CABP2: variants seen among roughly 807,000 people sequenced by gnomAD.
CABP2 encodes calcium binding protein 2.
CABP2 carries 25 observed loss-of-function variants against 28.6 expected under a neutral mutation model. The observed-to-expected ratio is 0.87, with a 90% CI of 0.64 to 1.22. The LOEUF (loss-of-function observed/expected upper bound fraction) is 1.22. CABP2 is among the 50% of genes most tolerant of loss of function. The pLI, the probability that CABP2 is intolerant of heterozygous loss-of-function variation, is 0.00. For missense variants in CABP2, 310 were observed against 312.2 expected, an observed-to-expected ratio of 0.99 and a Z score of 0.05; for synonymous variants, 138 against 126.0, an observed-to-expected ratio of 1.09 and a Z score of -0.64.
chr11:67,523,276 C>A lies in CABP2; in HGVS notation c.42+9G>T. On this transcript the variant is annotated intron_variant, in intron 1 of 6. Transcript: ENST00000294288. ...TCCTGGCCTGGGTTTCTCCCCTGAC[C>A]CCTCCTACCTTAGGGCCCCGGCGCC... The A allele has an allele frequency of 6.4e-7, 1 of 1,551,790 alleles. No individual in the cohort carries two copies. The highest frequency in any genetic ancestry group is 8.7e-7 in the Non-Finnish European group (1 of 1,145,536).
At chr11:67,520,227 T>G in intron 4 of CABP2, 67 bp from the exon 5 acceptor site, 1 of 946,854 alleles carries the variant, frequency 1.1e-6, no homozygotes, top group Non-Finnish European at 1.7e-6. Flanking sequence ...CCCTCCCTCC[T>G]CTGCCCTCTG....
chr11:67,519,165 C>G lies in CABP2; in HGVS notation c.638-1G>C. On this transcript the variant is annotated splice_acceptor_variant, in intron 6 of 6. Transcript: ENST00000294288. LOFTEE classifies it high-confidence loss of function. ...CACCGAGACATCATTCGCACAAACT[C>G]TGCCAGGACGAAGCCAAGGTTTTGG... The G allele has an allele frequency of 6.2e-7, 1 of 1,614,110 alleles. No homozygotes were observed. The highest frequency in any genetic ancestry group is 8.5e-7 in the Non-Finnish European group (1 of 1,180,028).
rs565725527 is a variant in CABP2 at position 67,519,561 on chromosome 11, T to G, written c.637+232A>C. Among the ~76,000 whole-genome samples, 5 of 152,346 alleles carry G rather than the reference T, an allele frequency of 3.3e-5. No individual in the cohort carries two copies. The South Asian group carries it at 1.0e-3, about 32-fold the overall frequency. On this transcript the variant is annotated intron_variant, in intron 6 of 6. Coordinates refer to ENST00000294288, the MANE Select transcript of CABP2 (RefSeq NM_016366.3). ...AGGCTGCCCAGATTCAAATCTTGAC[T>G]CCATCTACTTGCTTTTTTGCTAAGT... is the stretch of plus-strand genomic sequence containing the variant.
intron 1 of CABP2, 78 bp downstream of exon 1, chr11:67,523,207 A>C: frequency 6.6e-6 from 7 of 1,055,164 alleles, no homozygotes; most frequent in Non-Finnish European, 1.0e-5. Context: ...CGGCCCTCGG[A>C]GGGCTCTGCC....
rs573734434 is a variant in CABP2 at position 67,521,003 on chromosome 11, G to C, written c.379+22C>G. 90 of 1,606,980 alleles carry C rather than the reference G, an allele frequency of 5.6e-5. 2 individuals carry two copies. In the South Asian group the frequency reaches 9.8e-4, roughly 17 times the overall value. ...GGGGGCATCTGGAGGACTGGGGATG[G>C]GGATGGGTCCGAGGCACATACTGAT... On this transcript the variant is annotated intron_variant, in intron 4 of 6. Coordinates refer to ENST00000294288, the MANE Select transcript of CABP2 (RefSeq NM_016366.3).
chr11:67,522,772 A>G, intron 1 of CABP2, 56 bp from the exon 2 acceptor site: 2 of 1,396,770 alleles, frequency 1.4e-6, no homozygotes, highest in Non-Finnish European at 1.9e-6. Context: ...TGGGCCTGAT[A>G]GCCCTCCCCA....
chr11:67,519,904 C>T lies in CABP2; in HGVS notation c.526G>A (p.Glu176Lys), dbSNP rs1377696729. ...TNGDGRISVGELRAALKALLG... is the reference protein window; with the variant it reads ...TNGDGRISVGKLRAALKALLG... The stretch of plus-strand genomic sequence containing the variant: ...AGGGCCTTGAGGGCCGCCCGGAGCT[C>T]GCCCACGCTGATGCGGCCGTCCCCA... Residue 176 changes from glutamate (E) to lysine (K), a missense_variant, in exon 6 of 7, where the codon GAG becomes AAG. Physicochemically the swap from Glu to Lys is moderately conservative, Grantham distance 56. Transcript: ENST00000294288. The T allele has an allele frequency of 4.3e-6, 7 of 1,611,840 alleles. No individual in the cohort carries two copies. The highest frequency in any genetic ancestry group is 2.2e-5 in the South Asian group (2 of 91,042).
At chr11:67,520,928 G>A (rs771436290) in intron 4 of CABP2, 97 bp downstream of exon 4, 7 of 1,318,272 alleles carry the variant, frequency 5.3e-6, no homozygotes, top group Non-Finnish European at 7.5e-6. Context: ...TCTGGGGACA[G>A]CCTGTGCAGT....
At chr11:67,521,253 T>G in intron 3 of CABP2, 94 bp from the exon 4 acceptor site, 1 of 1,306,072 alleles carries the variant, frequency 7.7e-7, no homozygotes. Context: ...TCATCCCTCC[T>G]TCTGAACATC....
At chr11:67,522,069 C>A in intron 2 of CABP2, 87 bp from the exon 3 acceptor site, 1 of 1,244,742 alleles carries the variant, frequency 8.0e-7, no homozygotes, top group South Asian at 1.3e-5. Flanking sequence ...CCCACCCAGC[C>A]CCACAATCCA....
At chr11:67,523,213 C>G in intron 1 of CABP2, 72 bp downstream of exon 1, 1 of 1,265,760 alleles carries the variant, frequency 7.9e-7, no homozygotes, top group Non-Finnish European at 1.1e-6. Flanking sequence ...TCGGAGGGCT[C>G]TGCCCATCCC....
rs1239803255 is a variant in CABP2 at position 67,521,011 on chromosome 11, T to A, written c.379+14A>T. Reference sequence around the variant, plus strand: ...CTGGAGGACTGGGGATGGGGATGGGTCCGAGGCACATACTGATTTGTTGTG... The same window carrying A: ...CTGGAGGACTGGGGATGGGGATGGGACCGAGGCACATACTGATTTGTTGTG... On this transcript the variant is annotated intron_variant, in intron 4 of 6. Transcript: ENST00000294288. 5 of 1,611,366 alleles carry A rather than the reference T, an allele frequency of 3.1e-6. No individual in the cohort carries two copies. Among genetic ancestry groups the A allele is most frequent in the Non-Finnish European group, 2.5e-6 (3 of 1,178,316 alleles).
chr11:67,521,857 G>GCCCCCC, intron 3 of CABP2, 95 bp downstream of exon 3: 3 of 852,764 alleles, frequency 3.5e-6, no homozygotes, highest in Non-Finnish European at 3.8e-6. Context: ...AAACACTGAG[G>GCCCCCC]CCCCCACCCG....
chr11:67,519,641 C>T, intron 6 of CABP2, 152 bp downstream of exon 6: 1 of 763,494 alleles, frequency 1.3e-6, no homozygotes, highest in Non-Finnish European at 2.1e-6. Context: ...GATAACAATT[C>T]CTTCCTCTCG....
In CABP2 at chr11:67,522,625, A is replaced by G. The variant is rs1469415284; in HGVS notation, c.134T>C (p.Val45Ala). Residue 45 changes from valine (V) to alanine (A), a missense_variant, in exon 2 of 7, where the codon GTC becomes GCC. Transcript: ENST00000294288. ...GCTGTTGAGCACCGAGTAGCCCTGG[A>G]CGCCTGGCGCGGGGTCCCCCTGCTC... ...PKEQGDPAPG[V>A]QGYSVLNSLV... The G allele has an allele frequency of 1.3e-6, 2 of 1,548,914 alleles. No individual in the cohort carries two copies. The highest frequency in any genetic ancestry group is 2.0e-5 in the Admixed American group (1 of 50,918).
Position 67,519,910 on chromosome 11 carries a change from C to G in CABP2, c.520G>C (p.Val174Leu). ...TTGAGGGCCGCCCGGAGCTCGCCCA[C>G]GCTGATGCGGCCGTCCCCATTGGTG... ...FDTNGDGRISVGELRAALKAL... is the reference protein window; with the variant it reads ...FDTNGDGRISLGELRAALKAL... The change falls in exon 6 of 7, where the codon GTG (valine) becomes CTG (leucine). Residue 174 changes from valine to leucine, a missense_variant. Coordinates refer to ENST00000294288, the MANE Select transcript of CABP2 (RefSeq NM_016366.3). 1 of 1,611,106 alleles carries G rather than the reference C, an allele frequency of 6.2e-7. No homozygotes were observed. The highest frequency in any genetic ancestry group is 1.3e-5 in the African/African-American group (1 of 75,054).
At position 67,521,965 on chromosome 11, in the gene CABP2, G is replaced by A. The variant is rs765647878; in HGVS notation, c.231C>T (p.Pro77=). The A allele has an allele frequency of 1.1e-5, 18 of 1,593,884 alleles. No homozygotes were observed. Among genetic ancestry groups the A allele is most frequent in the African/African-American group, 2.8e-5 (2 of 71,932 alleles). Residue 77 remains proline, a synonymous_variant, in exon 3 of 7, where the codon CCC becomes CCT. Coordinates refer to ENST00000294288, the MANE Select transcript of CABP2 (RefSeq NM_016366.3). ...AATQLDRELR[P]EEIEELQVAF... Reference sequence around the variant, plus strand: ...CCAACCCTTTACCTTCAATCTCCTCGGGCCGCAGCTCCCGGTCCTGAAGGG... The same window carrying A: ...CCAACCCTTTACCTTCAATCTCCTCAGGCCGCAGCTCCCGGTCCTGAAGGG...
rs760144485 is a variant in CABP2 at position 67,519,896 on chromosome 11, C to T, written c.534G>A (p.Arg178=). The change falls in exon 6 of 7, where the codon CGG becomes CGA. Residue 178 remains arginine, a synonymous_variant. Transcript: ENST00000294288. ...GDGRISVGEL[R]AALKALLGER... ...CCCCCAGCAGGGCCTTGAGGGCCGCCCGGAGCTCGCCCACGCTGATGCGGC... is the reference window on the plus strand; with the variant it reads ...CCCCCAGCAGGGCCTTGAGGGCCGCTCGGAGCTCGCCCACGCTGATGCGGC... 3 of 1,612,432 alleles carry T rather than the reference C, an allele frequency of 1.9e-6. No homozygotes were observed. Among genetic ancestry groups the T allele is most frequent in the African/African-American group, 1.3e-5 (1 of 75,044 alleles).
In CABP2 at chr11:67,518,983, G is replaced by A. The variant is rs926885463; in HGVS notation, c.*156C>T. The A allele has an allele frequency of 1.5e-4, 103 of 690,476 alleles. No individual in the cohort carries two copies. Among genetic ancestry groups the A allele is most frequent in the Non-Finnish European group, 2.5e-4 (96 of 388,978 alleles). 42.8% of individuals were successfully genotyped at this position (690,476 alleles called of 1,614,324 possible). ...GGCCAGGCGGCTTTATTGGAGAAGT[G>A]GTGGTGGGGGTGAAGGCAGGCAAGG... On this transcript the variant is annotated 3_prime_UTR_variant, in exon 7 of 7. Transcript: ENST00000294288.
Sources: gnomAD v4.1 joint callset for allele counts (sites outside exome capture counted in the v4.1 genomes callset) on GRCh38, gnomAD v4.1.1 for gene constraint, MANE v1.5 for transcripts, NCBI Gene and HGNC (gene_info 2026-07-23, HGNC 2026-07-21) for gene names.